TMEM154: variants seen among roughly 807,000 people sequenced by gnomAD.
The protein encoded by TMEM154 is transmembrane protein 154.
Under a neutral mutation model 24.5 loss-of-function variants are expected in TMEM154, and 27 were observed. The observed-to-expected ratio is 1.10, with a 90% CI of 0.81 to 1.52. TMEM154 has a LOEUF of 1.52. Among genes scored for constraint, TMEM154 ranks in the 40% most tolerant of loss-of-function variants. TMEM154 has a pLI of 0.00. For missense variants in TMEM154, 228 were observed against 213.4 expected (o/e 1.07, Z -0.43); for synonymous variants, 67 against 76.8 (o/e 0.87, Z 0.67).
intron 6 of TMEM154, among the ~76,000 whole-genome samples, chr4:152,632,255 T>C (rs1183370440): frequency 6.6e-6 from 1 of 152,216 alleles, no homozygotes; most frequent in African/African-American, 2.4e-5. Flanking sequence ...TATATTTTAG[T>C]ATAAAGCATG....
At chr4:152,646,656 A>C (rs919835176) in intron 3 of TMEM154, 28 of 350,998 alleles carry the variant, frequency 8.0e-5, no homozygotes, top group African/African-American at 5.5e-4. Flanking sequence ...CATCTCCTCC[A>C]ACCCACTTTG....
intron 1 of TMEM154, among the ~76,000 whole-genome samples, chr4:152,656,628 A>C (rs1728496612): frequency 6.6e-6 from 1 of 152,218 alleles, no homozygotes; most frequent in Non-Finnish European, 1.5e-5. Context: ...CCCCTATGAA[A>C]GTAAATTCAG....
At chr4:152,658,039 C>A (rs761155694) in intron 1 of TMEM154, among the ~76,000 whole-genome samples, 10 of 151,988 alleles carry the variant, frequency 6.6e-5, no homozygotes, top group Non-Finnish European at 1.5e-4. Context: ...TGTTAGAACA[C>A]AAAACAAGCT....
intron 6 of TMEM154, among the ~76,000 whole-genome samples, chr4:152,640,413 T>A (rs1283866133): frequency 6.6e-6 from 1 of 152,180 alleles, no homozygotes; most frequent in Admixed American, 6.5e-5. Flanking sequence ...TAATTTAAAA[T>A]GAGATTGTGG....
intron 6 of TMEM154, among the ~76,000 whole-genome samples, chr4:152,629,550 G>T (rs1209978143): frequency 6.6e-6 from 1 of 152,176 alleles, no homozygotes; most frequent in Non-Finnish European, 1.5e-5. Context: ...TGGAAAACAG[G>T]TGGCACTTCC....
In TMEM154 at chr4:152,628,345, G is replaced by T; in HGVS notation, c.*201C>A. The T allele has an allele frequency of 2.2e-6, 2 of 897,222 alleles. No homozygotes were observed. Among genetic ancestry groups the T allele is most frequent in the South Asian group, 1.6e-5 (1 of 62,856 alleles). The allele number at this position is 897,222 out of a possible 1,614,324, so 55.6% of individuals were successfully genotyped here. The stretch of plus-strand genomic sequence containing the variant: ...TGGATGGCAGCCAGGCCTTTTCCTA[G>T]TACTTCTCAATTGCACATTCTTCCA... On this transcript the variant is annotated 3_prime_UTR_variant, in exon 7 of 7. Coordinates refer to ENST00000304385, the MANE Select transcript of TMEM154 (RefSeq NM_152680.3).
At chr4:152,658,552 A>G (rs1728535444) in intron 1 of TMEM154, among the ~76,000 whole-genome samples, 1 of 151,604 alleles carries the variant, frequency 6.6e-6, no homozygotes, top group Non-Finnish European at 1.5e-5. Context: ...TAATGCCTAT[A>G]ATCTCAGCAT....
intron 1 of TMEM154, chr4:152,670,171 C>T (rs1728796989): frequency 6.6e-6 from 1 of 152,142 alleles, no homozygotes; most frequent in Non-Finnish European, 1.5e-5. Context: ...TTCATATTTT[C>T]AGAAGGTGGG....
chr4:152,645,971 A>G (rs904159835), intron 3 of TMEM154, among the ~76,000 whole-genome samples: 1 of 151,744 alleles, frequency 6.6e-6, no homozygotes, highest in African/African-American at 2.4e-5. Context: ...ACACACACAC[A>G]CACACACAGA....
chr4:152,638,919 C>T (rs924571712), intron 6 of TMEM154, among the ~76,000 whole-genome samples: 3 of 152,052 alleles, frequency 2.0e-5, no homozygotes, highest in Non-Finnish European at 4.4e-5. Context: ...TGTGAAGGCT[C>T]TAGCTCATTT....
intron 1 of TMEM154, among the ~76,000 whole-genome samples, chr4:152,678,871 G>A (rs536005691): frequency 6.6e-6 from 1 of 152,354 alleles, no homozygotes; most frequent in Non-Finnish European, 1.5e-5. Flanking sequence ...AAGAGAAATT[G>A]ATGGAGTGGG....
intron 1 of TMEM154, among the ~76,000 whole-genome samples, chr4:152,661,512 T>C (rs1728612362): frequency 6.6e-6 from 1 of 152,168 alleles, no homozygotes; most frequent in Non-Finnish European, 1.5e-5. Flanking sequence ...GTCTTGCCCT[T>C]GCCCTGGGGT....
rs953333933 is a variant in TMEM154 at position 152,627,537 on chromosome 4, A to G, written c.*1009T>C. 1 of 152,218 alleles carries G rather than the reference A, an allele frequency of 6.6e-6. No homozygotes were observed. The highest frequency in any genetic ancestry group is 2.4e-5 in the African/African-American group (1 of 41,460). The allele number at this position is 152,218 out of a possible 1,614,324, so 9.4% of individuals were successfully genotyped here. A position where few individuals can be genotyped will look rare whatever the true frequency, so the allele number is the denominator to read the frequency against. On this transcript the variant is annotated 3_prime_UTR_variant, in exon 7 of 7. Transcript: ENST00000304385. ...AATATCACATAGAATGTCATCTCTG[A>G]TGGACTGACAGAGACCTCCTGTTGT...
chr4:152,679,629 C>G (rs1197270245), intron 1 of TMEM154, among the ~76,000 whole-genome samples: 2 of 152,070 alleles, frequency 1.3e-5, no homozygotes, highest in African/African-American at 4.8e-5. Flanking sequence ...TCCTGGAAGA[C>G]AAAGACTGAA....
chr4:152,628,933 C>CCG (rs1384066010), intron 6 of TMEM154, among the ~76,000 whole-genome samples: 8 of 152,130 alleles, frequency 5.3e-5, no homozygotes, highest in Admixed American at 1.3e-4. Context: ...GTGTGAGCCA[C>CCG]TGCACCCGGC....
intron 1 of TMEM154, among the ~76,000 whole-genome samples, chr4:152,653,636 C>T (rs1026891474): frequency 6.6e-5 from 10 of 151,830 alleles, no homozygotes; most frequent in African/African-American, 1.2e-4. Context: ...GTGATCCACC[C>T]GCCTCAGCCT....
At chr4:152,636,862 G>A (rs1292402232) in intron 6 of TMEM154, among the ~76,000 whole-genome samples, 1 of 152,240 alleles carries the variant, frequency 6.6e-6, no homozygotes, top group African/African-American at 2.4e-5. Context: ...TTGTTTATCA[G>A]GAGAAAGGAG....
At chr4:152,678,623 C>T (rs1375641064) in intron 1 of TMEM154, among the ~76,000 whole-genome samples, 2 of 152,178 alleles carry the variant, frequency 1.3e-5, no homozygotes, top group African/African-American at 2.4e-5. Context: ...AAGACCCAGA[C>T]ATCTCCCTTC....
intron 5 of TMEM154, among the ~76,000 whole-genome samples, chr4:152,641,811 C>A (rs950657649): frequency 6.7e-6 from 1 of 148,706 alleles, no homozygotes; most frequent in African/African-American, 2.5e-5. Context: ...GTCCTTCTTT[C>A]CTCAATATGA....
Sources: gnomAD v4.1 joint callset for allele counts (sites outside exome capture counted in the v4.1 genomes callset) on GRCh38, gnomAD v4.1.1 for gene constraint, MANE v1.5 for transcripts, NCBI Gene and HGNC (gene_info 2026-07-23, HGNC 2026-07-21) for gene names.